CIT: variants seen among roughly 807,000 people sequenced by gnomAD.
CIT encodes citron Rho-interacting kinase.
Under a neutral mutation model 272.7 loss-of-function variants are expected in CIT, and 79 were observed. The observed-to-expected ratio is 0.29, with a 90% CI of 0.24 to 0.35. The LOEUF (loss-of-function observed/expected upper bound fraction) is 0.35, where lower values mean the gene tolerates loss of function less well. CIT is among the 10% of genes least tolerant of loss of function. The pLI is 1.00. For missense variants in CIT, 1,909 were observed against 2,618.3 expected, an observed-to-expected ratio of 0.73 and a Z score of 5.91; for synonymous variants, 948 against 995.6, an observed-to-expected ratio of 0.95 and a Z score of 0.90.
In CIT at chr12:119,690,232, G is replaced by T; in HGVS notation, c.6105C>A (p.Ser2035=). The change falls in exon 47 of 48, where the codon TCC becomes TCA. Residue 2035 remains serine, a synonymous_variant. Coordinates refer to ENST00000392521, the MANE Select transcript of CIT (RefSeq NM_001206999.2). This position sits in a 1 kb window ranked among gnomAD's most constrained non-coding sequence, Gnocchi z 6.0. ...TGCTGTCTTCAAACAGCCTCCCGGG[G>T]GACCGCTCTCTCCGCGTGCTGAGCA... ...GRMLSTRRER[S]PGRLFEDSSR... is the part of the protein sequence containing the mutation. 1 of 1,546,278 alleles carries T rather than the reference G, an allele frequency of 6.5e-7. No homozygotes were observed.
intron 10 of CIT, among the ~76,000 whole-genome samples, chr12:119,800,533 A>G (rs1966105239): frequency 6.6e-6 from 1 of 152,198 alleles, no homozygotes; most frequent in African/African-American, 2.4e-5. Flanking sequence ...TCGTTCATTC[A>G]GCTCCACCTC....
At position 119,826,791 on chromosome 12, in the gene CIT, T is replaced by G. The variant is rs562563828; in HGVS notation, c.754-1423A>C. ...AAACTGAGTGAGCCAAGAGATTTTGTGGGTAAGTCCACATACCTTGAAGGC... is the reference window on the plus strand; with the variant it reads ...AAACTGAGTGAGCCAAGAGATTTTGGGGGTAAGTCCACATACCTTGAAGGC... On this transcript the variant is annotated intron_variant, in intron 7 of 47. Transcript: ENST00000392521. 2.2e-4 allele frequency among the ~76,000 whole-genome samples: 34 copies of G among 152,346 alleles called. No individual in the cohort carries two copies. The South Asian group carries it at 7.0e-3, about 32-fold the overall frequency.
At chr12:119,688,705 GC>G (rs1221157087) in intron 47 of CIT, among the ~76,000 whole-genome samples, 1 of 152,216 alleles carries the variant, frequency 6.6e-6, no homozygotes, top group African/African-American at 2.4e-5. Flanking sequence ...GCCTGGGGGA[GC>G]CCCTGGTCTT....
chr12:119,853,674 C>T (rs1380370582), intron 4 of CIT, among the ~76,000 whole-genome samples: 1 of 152,090 alleles, frequency 6.6e-6, no homozygotes, highest in East Asian at 1.9e-4. Flanking sequence ...AGGGATAAAT[C>T]TAACACATTT....
intron 1 of CIT, among the ~76,000 whole-genome samples, chr12:119,876,887 G>C (rs115710519): frequency 6.6e-6 from 1 of 152,164 alleles, no homozygotes; most frequent in Non-Finnish European, 1.5e-5. Flanking sequence ...CTGAAACAGA[G>C]AGGTTAAGTA....
At chr12:119,747,668 C>T (rs944773987) in intron 23 of CIT, among the ~76,000 whole-genome samples, 7 of 151,830 alleles carry the variant, frequency 4.6e-5, no homozygotes, top group Non-Finnish European at 1.0e-4. Flanking sequence ...TGCAGTGAGC[C>T]GAGATCACGC....
At chr12:119,803,647 G>C (rs1593808903) in intron 9 of CIT, among the ~76,000 whole-genome samples, 2 of 152,122 alleles carry the variant, frequency 1.3e-5, no homozygotes, top group Non-Finnish European at 2.9e-5. Context: ...AGGTCACTTG[G>C]GCCAACGAAA....
rs753349581 is a variant in CIT, at chr12:119,701,818, T to C, written c.5413+32A>G. The C allele has an allele frequency of 2.5e-5, 41 of 1,613,970 alleles. No homozygotes were observed. The Middle Eastern group carries it at 6.6e-4, about 26-fold the overall frequency. ...CTGAGTCTCAGCGCGGCCTGAGCCA[T>C]GGGTGGGTGCGAAAGTGGAGGTGGG... On this transcript the variant is annotated intron_variant, in intron 42 of 47. Coordinates refer to ENST00000392521, the MANE Select transcript of CIT (RefSeq NM_001206999.2).
At chr12:119,773,396 T>C (rs1392678343) in intron 16 of CIT, among the ~76,000 whole-genome samples, 3 of 152,222 alleles carry the variant, frequency 2.0e-5, no homozygotes, top group South Asian at 2.1e-4. Flanking sequence ...TGAGATATAC[T>C]GGGTTAAAAC....
intron 5 of CIT, among the ~76,000 whole-genome samples, chr12:119,838,417 A>G (rs927446991): frequency 6.6e-6 from 1 of 152,156 alleles, no homozygotes; most frequent in Non-Finnish European, 1.5e-5. Context: ...AACATAAAGC[A>G]TATCTCTTTC....
intron 5 of CIT, among the ~76,000 whole-genome samples, chr12:119,841,450 C>A (rs1198631561): frequency 6.6e-6 from 1 of 152,182 alleles, no homozygotes; most frequent in Non-Finnish European, 1.5e-5. Context: ...GCTGAAATTA[C>A]ATGTGTGAGC....
Position 119,804,253 on chromosome 12 carries a change from C to G in CIT, c.1112-864G>C, listed in dbSNP as rs1966452975. ...GCGCTCTCGGTCTGGGAGGTGGACA[C>G]TCGTCCATCAGTCACCAGGAGGCTG... On this transcript the variant is annotated intron_variant, in intron 9 of 47. Transcript: ENST00000392521. The surrounding 1 kb of genome is among the most constrained non-coding windows in gnomAD (Gnocchi z 5.3). The G allele has an allele frequency of 1.0e-6, 1 of 985,384 alleles. No homozygotes were observed. Among genetic ancestry groups the G allele is most frequent in the South Asian group, 4.7e-5 (1 of 21,292 alleles). The allele number at this position is 985,384 out of a possible 1,614,324, so 61.0% of individuals were successfully genotyped here. A position where few individuals can be genotyped will look rare whatever the true frequency, so the allele number is the denominator to read the frequency against.
intron 32 of CIT, among the ~76,000 whole-genome samples, chr12:119,716,963 C>T (rs897666309): frequency 6.6e-6 from 1 of 152,198 alleles, no homozygotes; most frequent in African/African-American, 2.4e-5. Flanking sequence ...TAAGATAGCA[C>T]TTTAATGAAA....
At position 119,834,110 on chromosome 12, in the gene CIT, A is replaced by G; in HGVS notation, c.635T>C (p.Val212Ala). The G allele has an allele frequency of 6.2e-7, 1 of 1,613,704 alleles. No homozygotes were observed. Among genetic ancestry groups the G allele is most frequent in the Non-Finnish European group, 8.5e-7 (1 of 1,179,888 alleles). Residue 212 changes from valine (V) to alanine (A), a missense_variant, in exon 6 of 48, where the codon GTT becomes GCT. Physicochemically the swap from Val to Ala is moderately conservative, Grantham distance 64 (BLOSUM62 0). Transcript: ENST00000392521. ...CCGATGCACGTATCCCATCAGATGA[A>G]CGCTGTGAACAGCCAAAATCAGCTC... is the stretch of plus-strand genomic sequence containing the variant. ...LAELILAVHSVHLMGYVHRDI... is the reference protein window; with the variant it reads ...LAELILAVHSAHLMGYVHRDI...
intron 9 of CIT, among the ~76,000 whole-genome samples, chr12:119,819,972 C>T (rs186110688): frequency 1.8e-4 from 28 of 152,206 alleles, no homozygotes; most frequent in Admixed American, 1.6e-3. Context: ...GTCGGAAATG[C>T]CATAAAACCA....
chr12:119,796,765 T>C (rs1455779514), intron 10 of CIT, among the ~76,000 whole-genome samples: 1 of 152,030 alleles, frequency 6.6e-6, no homozygotes, highest in Non-Finnish European at 1.5e-5. Flanking sequence ...GGTACGTACA[T>C]TGCAAGAGCC....
chr12:119,731,983 G>A (rs1436319028), intron 26 of CIT, among the ~76,000 whole-genome samples: 3 of 151,738 alleles, frequency 2.0e-5, no homozygotes, highest in African/African-American at 7.3e-5. Context: ...CTACAGGCAC[G>A]TGCCACCAAA....
At chr12:119,779,624 C>T (rs1964102816) in intron 13 of CIT, among the ~76,000 whole-genome samples, 1 of 152,176 alleles carries the variant, frequency 6.6e-6, no homozygotes, top group Non-Finnish European at 1.5e-5. Flanking sequence ...ACTTTTCTTT[C>T]TTGAATTTAT....
chr12:119,714,091 T>C, intron 33 of CIT, 106 bp downstream of exon 33: 1 of 1,323,624 alleles, frequency 7.6e-7, no homozygotes, highest in South Asian at 1.4e-5. Flanking sequence ...AGCTCGAAAA[T>C]GAATGCACTA....
Sources: allele counts gnomAD v4.1 joint callset (sites outside exome capture counted in the v4.1 genomes callset), GRCh38; gene constraint gnomAD v4.1.1; non-coding constraint Gnocchi (gnomAD v3.1); transcripts MANE v1.5; gene names NCBI Gene and HGNC (gene_info 2026-07-23, HGNC 2026-07-21).